The following SRRM3 variants were observed in gnomAD, a reference collection of about 807,000 sequenced individuals.
SRRM3 encodes the protein serine/arginine repetitive matrix protein 3.
In SRRM3, 27 loss-of-function variants were observed where a neutral mutation model predicts 66.2. The observed-to-expected ratio is 0.41, with a 90% confidence interval of 0.30 to 0.56. The LOEUF is 0.56. Ranked by LOEUF, SRRM3 falls within the 20% of genes least tolerant of loss-of-function variation. The pLI is 0.32. For synonymous variants in SRRM3, 391 were observed against 414.9 expected, an observed-to-expected ratio of 0.94 and a Z score of 0.70; for missense variants, 918 against 991.9, an observed-to-expected ratio of 0.93 and a Z score of 1.00.
chr7:76,206,132 C>G (rs1228881641), intron 1 of SRRM3, among the ~76,000 whole-genome samples: 1 of 152,144 alleles, frequency 6.6e-6, no homozygotes, highest in Admixed American at 6.6e-5. Flanking sequence ...CTCAGCCTCC[C>G]GAATAGCTAG....
At chr7:76,267,459 G>T (rs1196887402) in intron 11 of SRRM3, 24 bp downstream of exon 11, 16 of 1,328,904 alleles carry the variant, frequency 1.2e-5, no homozygotes, top group Non-Finnish European at 1.5e-5. Flanking sequence ...GCTTTGCGGA[G>T]GGTTCCCGCG....
chr7:76,247,441 G>A (rs1195181769), intron 2 of SRRM3, among the ~76,000 whole-genome samples: 2 of 152,170 alleles, frequency 1.3e-5, no homozygotes, highest in Non-Finnish European at 1.5e-5. Flanking sequence ...TGTCATGGAG[G>A]CCAGGAAGGC....
chr7:76,252,012 A>C (rs536591342), intron 3 of SRRM3, among the ~76,000 whole-genome samples: 1 of 152,302 alleles, frequency 6.6e-6, no homozygotes, highest in South Asian at 2.1e-4. Flanking sequence ...TGGAGTTTGC[A>C]CTGAGCCAAG....
intron 1 of SRRM3, among the ~76,000 whole-genome samples, chr7:76,216,560 G>A (rs1800575861): frequency 6.6e-6 from 1 of 152,232 alleles, no homozygotes; most frequent in African/African-American, 2.4e-5. Flanking sequence ...CTTACATGGA[G>A]CAGAGGAGGA....
rs1801786837 is a variant in SRRM3 at position 76,258,886 on chromosome 7, A to C, written c.336-1020A>C. On this transcript the variant is annotated intron_variant, in intron 3 of 14. Transcript: ENST00000611745. ...AGCCTGACTAACATGGAGAAACCCCATCTCTACTAAAAATACAAAAATTAG... is the reference window on the plus strand; with the variant it reads ...AGCCTGACTAACATGGAGAAACCCCCTCTCTACTAAAAATACAAAAATTAG... Among the ~76,000 whole-genome samples the C allele has an allele frequency of 4.0e-5, 6 of 151,204 alleles. No individual in the cohort carries two copies. The South Asian group carries it at 1.3e-3, about 32-fold the overall frequency.
At position 76,285,363 on chromosome 7, in the gene SRRM3, C is replaced by T. The variant is rs1802635973; in HGVS notation, c.1734-252C>T. 1.9e-6 allele frequency: 1 copy of T among 525,244 alleles called. No individual in the cohort carries two copies. Among genetic ancestry groups the T allele is most frequent in the South Asian group, 2.3e-5 (1 of 42,650 alleles). The allele number at this position is 525,244 out of a possible 1,614,324, so 32.5% of individuals were successfully genotyped here. A position where few individuals can be genotyped will look rare whatever the true frequency, so the allele number is the denominator to read the frequency against. On this transcript the variant is annotated intron_variant, in intron 14 of 14. Coordinates refer to ENST00000611745, the MANE Select transcript of SRRM3 (RefSeq NM_001110199.3). This position sits in a 1 kb window ranked among gnomAD's most constrained non-coding sequence, Gnocchi z 4.1. ...ACAGGCGTGAGCCACCGCGCCCAGC[C>T]TCAACAAGTATTTATTAGCAGGTGT...
chr7:76,282,855 C>A lies in SRRM3; in HGVS notation c.1578C>A (p.Pro526=). The A allele has an allele frequency of 6.9e-7, 1 of 1,452,636 alleles. No homozygotes were observed. The allele number at this position is 1,452,636 out of a possible 1,614,324, so 90.0% of individuals were successfully genotyped here. ...ACAGCCCCAGCCGCTCGCCGTCGCC[C>A]AAGAAGCCCCTCAGCCGGTGAGTGC... ...RPHSPSRSPS[P]KKPLSRDKDG... Residue 526 remains proline (P), a synonymous_variant, in exon 13 of 15, where the codon CCC becomes CCA. Coordinates refer to ENST00000611745, the MANE Select transcript of SRRM3 (RefSeq NM_001110199.3).
Position 76,260,880 on chromosome 7 carries a change from G to T in SRRM3, c.552G>T (p.Lys184Asn). 3.8e-6 allele frequency: 6 copies of T among 1,561,058 alleles called. No individual in the cohort carries two copies. Among genetic ancestry groups the T allele is most frequent in the Non-Finnish European group, 5.2e-6 (6 of 1,152,028 alleles). The change falls in exon 6 of 15, where the codon AAG (lysine) becomes AAT (asparagine). Residue 184 changes from lysine (K) to asparagine (N), a missense_variant. Coordinates refer to ENST00000611745, the MANE Select transcript of SRRM3 (RefSeq NM_001110199.3). Reference protein sequence around the residue: ...KKGGHRRSRKKRRLESECSCG... With the variant: ...KKGGHRRSRKNRRLESECSCG... ...TCCTGGCATCTGCCCTCAGCAAAAA[G>T]AGGAGACTGGAGTCCGAATGCAGGT... is the stretch of plus-strand genomic sequence containing the variant.
rs901583201 is a variant in SRRM3, at chr7:76,265,440, C to T, written c.802C>T (p.His268Tyr). ...CTCCCACAGCCCCTCCCTCTCCTCC[C>T]ACTACAGTGATTCCAGATCTCCCAG... The part of the protein sequence containing the change: ...GSSHSPSLSS[H>Y]YSDSRSPSRL... The change falls in exon 10 of 15, where the codon CAC (histidine) becomes TAC (tyrosine). Residue 268 changes from histidine (H) to tyrosine (Y), a missense_variant. By Grantham distance (83) the His-to-Tyr change is moderately conservative (BLOSUM62 2). Coordinates refer to ENST00000611745, the MANE Select transcript of SRRM3 (RefSeq NM_001110199.3). The T allele has an allele frequency of 1.2e-6, 2 of 1,605,230 alleles. No homozygotes were observed. Among genetic ancestry groups the T allele is most frequent in the Admixed American group, 3.4e-5 (2 of 58,796 alleles).
chr7:76,221,552 C>A (rs904889184), intron 1 of SRRM3, among the ~76,000 whole-genome samples: 1 of 151,470 alleles, frequency 6.6e-6, no homozygotes, highest in Admixed American at 6.6e-5. Context: ...TTAGTAGAGA[C>A]GGGGTTTCAC....
intron 1 of SRRM3, among the ~76,000 whole-genome samples, chr7:76,219,411 G>GCCTCCTTGTC (rs1163074397): frequency 2.6e-5 from 4 of 152,188 alleles, no homozygotes; most frequent in African/African-American, 7.2e-5. Context: ...GACAGTGGAG[G>GCCTCCTTGTC]CCTCCTTGTC....
At position 76,243,661 on chromosome 7, in the gene SRRM3, C is replaced by G. The variant is rs544203010; in HGVS notation, c.234-4527C>G. On this transcript the variant is annotated intron_variant, in intron 2 of 14. Coordinates refer to ENST00000611745, the MANE Select transcript of SRRM3 (RefSeq NM_001110199.3). ...GGGGCTTGGATCCTGGCCTGAAACC[C>G]CCTGCCAGCCCCCCACAAGCAGCTG... Among the ~76,000 whole-genome samples the G allele has an allele frequency of 2.0e-5, 3 of 152,314 alleles. No homozygotes were observed. In the East Asian group the frequency reaches 5.8e-4, roughly 29 times the overall value.
intron 3 of SRRM3, among the ~76,000 whole-genome samples, chr7:76,256,004 A>G (rs781945345): frequency 6.6e-6 from 1 of 152,102 alleles, no homozygotes; most frequent in Non-Finnish European, 1.5e-5. Context: ...ACTTTCCTCA[A>G]AGGTGGTCTG....
intron 3 of SRRM3, among the ~76,000 whole-genome samples, chr7:76,250,503 G>C (rs917299165): frequency 5.9e-5 from 9 of 152,156 alleles, no homozygotes; most frequent in African/African-American, 1.9e-4. Context: ...CAAAGTGCTG[G>C]GATTACAGGC....
rs1035474459 is a variant in SRRM3, at chr7:76,253,709, G to A, written c.335+5420G>A. On this transcript the variant is annotated intron_variant, in intron 3 of 14. Coordinates refer to ENST00000611745, the MANE Select transcript of SRRM3 (RefSeq NM_001110199.3). ...CACAGGCCTGTCATCCTAGCTTCTC[G>A]GGAGGCTGAGGCAGGAGACGGAGGT... Among the ~76,000 whole-genome samples the A allele has an allele frequency of 4.6e-5, 7 of 151,284 alleles. 1 individual carries two copies. The highest frequency in any genetic ancestry group is 4.2e-4 in the South Asian group (2 of 4,792).
intron 1 of SRRM3, among the ~76,000 whole-genome samples, chr7:76,221,380 T>TTTTTTTTTTTGG (rs1800714689): frequency 7.5e-6 from 1 of 132,682 alleles, no homozygotes; most frequent in Non-Finnish European, 1.6e-5. Flanking sequence ...TTTTTTTTTT[T>TTTTTTTTTTTGG]GAGACGGAGT....
chr7:76,249,370 A>G (rs1554606606), intron 3 of SRRM3, among the ~76,000 whole-genome samples: 1 of 134,848 alleles, frequency 7.4e-6, no homozygotes, highest in Non-Finnish European at 1.5e-5. Context: ...ACAGAGCGAG[A>G]CTCTGTCTCA....
At chr7:76,216,095 C>A (rs1176320968) in intron 1 of SRRM3, among the ~76,000 whole-genome samples, 10 of 151,956 alleles carry the variant, frequency 6.6e-5, no homozygotes, top group Non-Finnish European at 4.4e-5. Flanking sequence ...GCGTGAGCCA[C>A]CGCGCCCGGC....
chr7:76,278,394 G>A (rs1554611421), intron 11 of SRRM3, among the ~76,000 whole-genome samples: 1 of 152,160 alleles, frequency 6.6e-6, no homozygotes, highest in Admixed American at 6.5e-5. Flanking sequence ...GGCTGAAGCA[G>A]GAGAATCGCT....
Sources: allele counts gnomAD v4.1 joint callset (sites outside exome capture counted in the v4.1 genomes callset), GRCh38; gene constraint gnomAD v4.1.1; non-coding constraint Gnocchi (gnomAD v3.1); transcripts MANE v1.5; gene names NCBI Gene and HGNC (gene_info 2026-07-23, HGNC 2026-07-21).